Variants in SIN3A observed in about 807,000 individuals in gnomAD.
SIN3A encodes SIN3 transcription regulator family member A.
SIN3A carries 14 observed loss-of-function variants against 146.1 expected under a neutral mutation model. That is an observed-to-expected ratio of 0.10 (90% CI 0.06 to 0.15). The LOEUF is 0.15. Among genes scored for constraint, SIN3A ranks in the 10% least tolerant of loss-of-function variants. SIN3A has a pLI of 1.00. For missense variants in SIN3A, 1,028 were observed against 1,576.0 expected (o/e 0.65, Z 5.89); for synonymous variants, 572 against 572.0 (o/e 1.00, Z 0.00).
chr15:75,417,595 T>C (rs1428007001), intron 3 of SIN3A, among the ~76,000 whole-genome samples: 1 of 152,072 alleles, frequency 6.6e-6, no homozygotes. Flanking sequence ...GCCAGGCTGG[T>C]CTTGAACTCC....
intron 20 of SIN3A, among the ~76,000 whole-genome samples, chr15:75,373,802 T>C (rs1007915820): frequency 1.3e-5 from 2 of 151,650 alleles, no homozygotes; most frequent in African/African-American, 4.8e-5. Context: ...ATATAATACA[T>C]ACAACATACA....
chr15:75,404,535 C>T (rs1328382144), intron 9 of SIN3A, among the ~76,000 whole-genome samples: 7 of 152,032 alleles, frequency 4.6e-5, no homozygotes, highest in Admixed American at 2.0e-4. Context: ...CCAAGGCAGG[C>T]GGATCACCTG....
intron 16 of SIN3A, among the ~76,000 whole-genome samples, chr15:75,387,563 A>T (rs200079454): frequency 0.046 from 1,488 of 32,218 alleles, 29 homozygotes; most frequent in African/African-American, 0.22. Context: ...GTTTCCATTA[A>T]AAAAAAAAAA....
chr15:75,413,829 T>C (rs573888854), intron 4 of SIN3A, among the ~76,000 whole-genome samples: 1 of 152,356 alleles, frequency 6.6e-6, no homozygotes, highest in Admixed American at 6.5e-5. Context: ...CTCTTTGATA[T>C]ACCAGTATAC....
intron 19 of SIN3A, 148 bp from the exon 20 acceptor site, chr15:75,376,020 A>G: frequency 4.0e-6 from 3 of 756,680 alleles, no homozygotes; most frequent in Admixed American, 5.3e-5. Context: ...GTTTCACTGC[A>G]AAAAAAATTT....
intron 3 of SIN3A, chr15:75,422,435 T>C: frequency 1.6e-6 from 1 of 632,800 alleles, no homozygotes; most frequent in Non-Finnish European, 2.8e-6. Context: ...ATTCATACAG[T>C]CCACAAACAT....
At chr15:75,401,245 A>C (rs2141455815) in intron 10 of SIN3A, among the ~76,000 whole-genome samples, 1 of 152,302 alleles carries the variant, frequency 6.6e-6, no homozygotes, top group Middle Eastern at 3.4e-3. Flanking sequence ...TAAAGATTCC[A>C]GACTCGGTGT....
At chr15:75,450,856 CGGAA>C (rs1235630005) in intron 1 of SIN3A, among the ~76,000 whole-genome samples, 2 of 152,188 alleles carry the variant, frequency 1.3e-5, no homozygotes, top group Non-Finnish European at 2.9e-5. Flanking sequence ...GCCAAGGAGG[CGGAA>C]ACCCGGGGCC....
intron 20 of SIN3A, among the ~76,000 whole-genome samples, chr15:75,375,314 T>C (rs1266553676): frequency 1.3e-5 from 2 of 152,090 alleles, no homozygotes; most frequent in Non-Finnish European, 2.9e-5. Flanking sequence ...GAACACCATA[T>C]GAAGATGAAG....
At chr15:75,420,266 CTCAAATCGT>C (rs1191240639) in intron 3 of SIN3A, 2 of 152,056 alleles carry the variant, frequency 1.3e-5, no homozygotes, top group Non-Finnish European at 2.9e-5. Flanking sequence ...CCAAACATGC[CTCAAATCGT>C]TCAAATCCCT....
chr15:75,423,757 C>T (rs868548963), intron 2 of SIN3A, among the ~76,000 whole-genome samples: 1 of 152,136 alleles, frequency 6.6e-6, no homozygotes, highest in Non-Finnish European at 1.5e-5. Context: ...CTTTGGGAGG[C>T]CCAGGCAGAC....
chr15:75,407,293 C>A, intron 8 of SIN3A, 149 bp from the exon 9 acceptor site: 1 of 564,658 alleles, frequency 1.8e-6, no homozygotes, highest in Non-Finnish European at 3.1e-6. Flanking sequence ...TCACTCCATA[C>A]CCTCTAAGAT....
intron 1 of SIN3A, among the ~76,000 whole-genome samples, chr15:75,445,557 C>T: frequency 6.7e-6 from 1 of 150,078 alleles, no homozygotes; most frequent in Non-Finnish European, 1.5e-5. Context: ...GGAGACAGAG[C>T]AAAACTCCGT....
intron 1 of SIN3A, among the ~76,000 whole-genome samples, chr15:75,448,418 C>T (rs1276566010): frequency 6.6e-6 from 1 of 150,976 alleles, no homozygotes; most frequent in Non-Finnish European, 1.5e-5. Flanking sequence ...CGCTAGAACC[C>T]GGGAGGCGGA....
chr15:75,436,038 G>C (rs1316033317), intron 1 of SIN3A, among the ~76,000 whole-genome samples: 1 of 151,534 alleles, frequency 6.6e-6, no homozygotes, highest in Non-Finnish European at 1.5e-5. Flanking sequence ...GAAGTGGAAG[G>C]ATCTCTTGAC....
At chr15:75,390,893 C>T (rs1348605750) in intron 15 of SIN3A, among the ~76,000 whole-genome samples, 1 of 152,100 alleles carries the variant, frequency 6.6e-6, no homozygotes, top group Admixed American at 6.5e-5. Flanking sequence ...TGCACTTCAA[C>T]AAAAAGTTGA....
In SIN3A at chr15:75,386,052, G is replaced by A. The variant is rs537250198; in HGVS notation, c.3022-1615C>T. Among the ~76,000 whole-genome samples the A allele has an allele frequency of 1.4e-3, 218 of 152,254 alleles. 1 individual carries two copies. Among genetic ancestry groups the A allele is most frequent in the African/African-American group, 5.0e-3 (208 of 41,558 alleles). On this transcript the variant is annotated intron_variant, in intron 16 of 20. Transcript: ENST00000394947. ...TACTTTCTTTTTGAGACAGAGTCTC[G>A]CTCTGTCGCCCAGGCTGGAGTGCAG... is the stretch of plus-strand genomic sequence containing the variant.
chr15:75,417,138 G>A (rs1394260513), intron 3 of SIN3A, among the ~76,000 whole-genome samples: 3 of 151,436 alleles, frequency 2.0e-5, no homozygotes, highest in African/African-American at 7.3e-5. Context: ...AGTTTGGCTG[G>A]GGGAGAAAAA....
chr15:75,423,404 C>G (rs2073872902), intron 2 of SIN3A, among the ~76,000 whole-genome samples: 1 of 152,164 alleles, frequency 6.6e-6, no homozygotes, highest in Non-Finnish European at 1.5e-5. Context: ...TATAGCCGGG[C>G]ACGGTGGCTC....
Sources: allele counts gnomAD v4.1 joint callset (sites outside exome capture counted in the v4.1 genomes callset), GRCh38; gene constraint gnomAD v4.1.1; transcripts MANE v1.5; gene names NCBI Gene and HGNC (gene_info 2026-07-23, HGNC 2026-07-21).